The following TRIM25 variants were observed in gnomAD, a reference collection of about 807,000 sequenced individuals.
TRIM25 encodes E3 ubiquitin/ISG15 ligase TRIM25.
In TRIM25, 45 loss-of-function variants were observed where a neutral mutation model predicts 65.2. The ratio of observed to expected loss-of-function variants is 0.69; its 90% CI spans 0.54 to 0.89. The LOEUF (loss-of-function observed/expected upper bound fraction) is 0.89, where lower values mean the gene tolerates loss of function less well. Ranked by LOEUF, TRIM25 falls within the 40% of genes least tolerant of loss-of-function variation. The pLI is 0.00. For missense variants in TRIM25, 714 were observed against 803.7 expected (o/e 0.89, Z 1.35); for synonymous variants, 321 against 340.4 (o/e 0.94, Z 0.63).
intron 3 of TRIM25, among the ~76,000 whole-genome samples, chr17:56,903,442 T>C (rs549613081): frequency 6.6e-5 from 10 of 152,290 alleles, no homozygotes; most frequent in African/African-American, 2.2e-4. Context: ...TCTTAGGTAC[T>C]CCTTTATAGC....
chr17:56,898,583 A>G (rs1203602404), intron 5 of TRIM25, among the ~76,000 whole-genome samples: 1 of 152,220 alleles, frequency 6.6e-6, no homozygotes, highest in Non-Finnish European at 1.5e-5. Flanking sequence ...TTTTATGTGT[A>G]AAAGCACAAA....
In TRIM25 at chr17:56,891,949, G is replaced by A; in HGVS notation, c.1644C>T (p.Ser548=). Residue 548 remains serine, a synonymous_variant, in exon 9 of 9, where the codon TCC becomes TCT. Coordinates refer to ENST00000316881, the MANE Select transcript of TRIM25 (RefSeq NM_005082.5). ...TGGTGTTGAACCACTCCACGCACCAGGAGGCGCTGTTGCGGCCGAGCCTGC... is the reference window on the plus strand; with the variant it reads ...TGGTGTTGAACCACTCCACGCACCAAGAGGCGCTGTTGCGGCCGAGCCTGC... ...PESRLGRNSA[S]WCVEWFNTKI... is the part of the protein sequence containing the mutation. 1 of 1,614,236 alleles carries A rather than the reference G, an allele frequency of 6.2e-7. No individual in the cohort carries two copies. Among genetic ancestry groups the A allele is most frequent in the Non-Finnish European group, 8.5e-7 (1 of 1,180,044 alleles).
At chr17:56,900,779 C>A (rs1879199123) in intron 4 of TRIM25, among the ~76,000 whole-genome samples, 2 of 152,094 alleles carry the variant, frequency 1.3e-5, no homozygotes, top group South Asian at 4.1e-4. Flanking sequence ...GGCATCTAGA[C>A]CAGGGTCAAG....
chr17:56,913,794 C>A lies in TRIM25; in HGVS notation c.195G>T (p.Lys65Asn). ...CCACCACGTTGCACAGCACCGTGTT[C>A]TTGTGCAGCTGCGGTCGCGCCTGGT... ...AVYQARPQLHKNTVLCNVVEQ... is the reference protein window; with the variant it reads ...AVYQARPQLHNNTVLCNVVEQ... The change falls in exon 1 of 9, where the codon AAG becomes AAT. Residue 65 changes from lysine to asparagine, a missense_variant. Lys to Asn is a moderately conservative substitution (Grantham distance 94). This residue lies in a region of TRIM25 where 291 missense variants were observed against 281.8 expected (regional missense o/e 1.03). Coordinates refer to ENST00000316881, the MANE Select transcript of TRIM25 (RefSeq NM_005082.5). The surrounding 1 kb of genome is among the most constrained non-coding windows in gnomAD (Gnocchi z 6.1). The A allele has an allele frequency of 6.4e-7, 1 of 1,559,708 alleles. No individual in the cohort carries two copies. Among genetic ancestry groups the A allele is most frequent in the Non-Finnish European group, 8.7e-7 (1 of 1,153,196 alleles).
chr17:56,898,733 C>T (rs1369360344), intron 5 of TRIM25, among the ~76,000 whole-genome samples: 2 of 150,946 alleles, frequency 1.3e-5, no homozygotes, highest in East Asian at 3.9e-4. Flanking sequence ...AGTTGAGAAA[C>T]ATGGTAATAG....
chr17:56,892,999 T>C (rs1392021121), intron 8 of TRIM25, among the ~76,000 whole-genome samples: 1 of 151,966 alleles, frequency 6.6e-6, no homozygotes. Context: ...TAACAGAAGA[T>C]GAGAACTAGA....
At chr17:56,908,844 A>T (rs752471583) in intron 1 of TRIM25, 2 of 401,128 alleles carry the variant, frequency 5.0e-6, no homozygotes, top group South Asian at 7.5e-5. Context: ...TTTCTTGGAC[A>T]CAAAATAGAT....
intron 3 of TRIM25, among the ~76,000 whole-genome samples, chr17:56,903,872 C>T (rs1176537510): frequency 6.6e-6 from 1 of 152,016 alleles, no homozygotes; most frequent in Non-Finnish European, 1.5e-5. Context: ...CAGGAAATTG[C>T]GGGGGGCCTC....
Position 56,891,199 on chromosome 17 carries a change from C to G in TRIM25, c.*501G>C, listed in dbSNP as rs1567836989. On this transcript the variant is annotated 3_prime_UTR_variant, in exon 9 of 9. Transcript: ENST00000316881. Reference sequence around the variant, plus strand: ...CACAGATAATAACCAGGAGATCAAGCCCCAACATGCGGGTAATGGAGTTTA... The same window carrying G: ...CACAGATAATAACCAGGAGATCAAGGCCCAACATGCGGGTAATGGAGTTTA... The G allele has an allele frequency of 2.9e-6, 1 of 343,618 alleles. No individual in the cohort carries two copies. The highest frequency in any genetic ancestry group is 2.2e-5 in the South Asian group (1 of 44,936). The allele number at this position is 343,618 out of a possible 1,614,324, so 21.3% of individuals were successfully genotyped here.
chr17:56,891,808 G>A lies in TRIM25; in HGVS notation c.1785C>T (p.Asp595=). The A allele has an allele frequency of 6.2e-7, 1 of 1,614,234 alleles. No individual in the cohort carries two copies. ...TGAACTTATACATCAGGTGGACCTTGTCGGCAACAGCGAAGAAGATGACAA... is the reference window on the plus strand; with the variant it reads ...TGAACTTATACATCAGGTGGACCTTATCGGCAACAGCGAAGAAGATGACAA... ...HGFVIFFAVA[D]KVHLMYKFRV... Residue 595 remains aspartate (D), a synonymous_variant, in exon 9 of 9, where the codon GAC becomes GAT. Coordinates refer to ENST00000316881, the MANE Select transcript of TRIM25 (RefSeq NM_005082.5).
intron 4 of TRIM25, among the ~76,000 whole-genome samples, chr17:56,901,086 C>T (rs1457117202): frequency 2.0e-5 from 3 of 152,140 alleles, no homozygotes; most frequent in Non-Finnish European, 2.9e-5. Flanking sequence ...CTCCCCCAAA[C>T]GGGCCATTCC....
intron 1 of TRIM25, among the ~76,000 whole-genome samples, chr17:56,910,332 C>G (rs1366387653): frequency 6.6e-6 from 1 of 152,190 alleles, no homozygotes; most frequent in Non-Finnish European, 1.5e-5. Context: ...GGGACCAAGG[C>G]CACACTAACT....
Position 56,888,247 on chromosome 17 carries a change from G to A in TRIM25, c.*3453C>T, listed in dbSNP as rs1567836003. The stretch of plus-strand genomic sequence containing the variant: ...TCAGTCTGTCTGGTGACCAGCCCCA[G>A]CTCTGAGTCATCCCACCTTTTAGCA... On this transcript the variant is annotated 3_prime_UTR_variant, in exon 9 of 9. Transcript: ENST00000316881. The A allele has an allele frequency of 6.6e-6, 1 of 152,254 alleles. No individual in the cohort carries two copies. Among genetic ancestry groups the A allele is most frequent in the Non-Finnish European group, 1.5e-5 (1 of 68,082 alleles). The allele number at this position is 152,254 out of a possible 1,614,324, so 9.4% of individuals were successfully genotyped here.
chr17:56,892,022 CAGA>C lies in TRIM25; in HGVS notation c.1568_1570del (p.Phe523del). ...GCTTCCGTAGCAGATGCCTACCCCACAGAAGTTGTTCTTCTGCAGCTCCACCTC... is the reference window on the plus strand; with the variant it reads ...GCTTCCGTAGCAGATGCCTACCCCACAGTTGTTCTTCTGCAGCTCCACCTC... On this transcript the variant is annotated inframe_deletion, in exon 9 of 9. Coordinates refer to ENST00000316881, the MANE Select transcript of TRIM25 (RefSeq NM_005082.5). 1 of 1,614,222 alleles carries C rather than the reference CAGA, an allele frequency of 6.2e-7. No individual in the cohort carries two copies. The highest frequency in any genetic ancestry group is 8.5e-7 in the Non-Finnish European group (1 of 1,180,040).
At chr17:56,898,981 G>T in intron 5 of TRIM25, 134 bp downstream of exon 5, 1 of 979,392 alleles carries the variant, frequency 1.0e-6, no homozygotes, top group South Asian at 1.5e-5. Context: ...CCCGCAGTGG[G>T]GACTGCCACC....
rs1909161401 is a variant in TRIM25, at chr17:56,891,135, A to G, written c.*565T>C. ...GGAAGAGGGTATGCCTCTTTAGGAA[A>G]CTGTTCTGGGTAGAGACTGCTGTGG... On this transcript the variant is annotated 3_prime_UTR_variant, in exon 9 of 9. Coordinates refer to ENST00000316881, the MANE Select transcript of TRIM25 (RefSeq NM_005082.5). The G allele has an allele frequency of 2.8e-6, 1 of 359,848 alleles. No individual in the cohort carries two copies. Among genetic ancestry groups the G allele is most frequent in the Non-Finnish European group, 5.5e-6 (1 of 181,756 alleles). The allele number at this position is 359,848 out of a possible 1,614,324, so 22.3% of individuals were successfully genotyped here.
chr17:56,904,615 G>A, intron 2 of TRIM25, 127 bp from the exon 3 acceptor site: 1 of 818,022 alleles, frequency 1.2e-6, no homozygotes, highest in Non-Finnish European at 2.0e-6. Flanking sequence ...ACAAACCACT[G>A]TGGGGAGCAA....
chr17:56,895,322 A>G, intron 8 of TRIM25, 21 bp downstream of exon 8: 6 of 1,602,552 alleles, frequency 3.7e-6, no homozygotes, highest in African/African-American at 1.3e-5. Context: ...GGAACCGCGC[A>G]CCAGCCCCGA....
At position 56,895,906 on chromosome 17, in the gene TRIM25, T is replaced by G; in HGVS notation, c.1180+20A>C. The G allele has an allele frequency of 6.2e-7, 1 of 1,610,338 alleles. No individual in the cohort carries two copies. The highest frequency in any genetic ancestry group is 2.2e-5 in the East Asian group (1 of 44,854). ...CGGGCAGTCTCAAGAAACGAACAGTTGCAGAAATGCATAACTTACGAGGTT... is the reference window on the plus strand; with the variant it reads ...CGGGCAGTCTCAAGAAACGAACAGTGGCAGAAATGCATAACTTACGAGGTT... On this transcript the variant is annotated intron_variant, in intron 6 of 8. Coordinates refer to ENST00000316881, the MANE Select transcript of TRIM25 (RefSeq NM_005082.5).
Sources: allele counts gnomAD v4.1 joint callset (sites outside exome capture counted in the v4.1 genomes callset), GRCh38; gene constraint gnomAD v4.1.1; regional missense constraint gnomAD v4.1.1; non-coding constraint Gnocchi (gnomAD v3.1); transcripts MANE v1.5; gene names NCBI Gene and HGNC (gene_info 2026-07-23, HGNC 2026-07-21).